Variants in LRRTM4 observed in about 807,000 individuals in gnomAD.
The protein encoded by LRRTM4 is leucine-rich repeat transmembrane neuronal protein 4.
A neutral mutation model predicts 47.6 loss-of-function variants in LRRTM4; 25 were observed. The ratio of observed to expected loss-of-function variants is 0.53; its 90% CI spans 0.38 to 0.73. LRRTM4 has a LOEUF of 0.73. Among genes scored for constraint, LRRTM4 ranks in the 30% least tolerant of loss-of-function variants. LRRTM4 has a pLI of 0.00. For missense variants in LRRTM4, 638 were observed against 713.4 expected (o/e 0.89, Z 1.20); for synonymous variants, 311 against 269.5 (o/e 1.15, Z -1.51).
chr2:77,306,285 C>G (rs1677269296), intron 3 of LRRTM4, among the ~76,000 whole-genome samples: 1 of 152,126 alleles, frequency 6.6e-6, no homozygotes, highest in Non-Finnish European at 1.5e-5. Context: ...CTTTTGCATA[C>G]TTTGGCATCT....
intron 3 of LRRTM4, among the ~76,000 whole-genome samples, chr2:76,957,014 T>C (rs951714140): frequency 1.3e-5 from 2 of 151,694 alleles, no homozygotes; most frequent in African/African-American, 2.4e-5. Context: ...TAGAAACAAA[T>C]TGTGTCCATC....
intron 3 of LRRTM4, among the ~76,000 whole-genome samples, chr2:77,429,059 T>G (rs969588653): frequency 6.6e-6 from 1 of 152,096 alleles, no homozygotes; most frequent in African/African-American, 2.4e-5. Flanking sequence ...ATAAATAACC[T>G]AAAAGTGGGA....
At chr2:77,062,687 A>C (rs761188935) in intron 3 of LRRTM4, among the ~76,000 whole-genome samples, 49 of 152,130 alleles carry the variant, frequency 3.2e-4, no homozygotes, top group South Asian at 2.3e-3. Flanking sequence ...CTCTGTCTCT[A>C]TCTCTTCCCA....
At chr2:77,248,940 C>T (rs1675525564) in intron 3 of LRRTM4, among the ~76,000 whole-genome samples, 1 of 151,978 alleles carries the variant, frequency 6.6e-6, no homozygotes, top group Non-Finnish European at 1.5e-5. Flanking sequence ...ATATAAAACT[C>T]TTAGAAAAAT....
chr2:77,326,805 G>A (rs72809167), intron 3 of LRRTM4, among the ~76,000 whole-genome samples: 2 of 152,168 alleles, frequency 1.3e-5, no homozygotes, highest in South Asian at 2.1e-4. Context: ...GAAAGACAAC[G>A]TGTTATATCC....
At chr2:77,427,071 TG>T (rs1347081258) in intron 3 of LRRTM4, among the ~76,000 whole-genome samples, 2 of 151,120 alleles carry the variant, frequency 1.3e-5, no homozygotes, top group Admixed American at 6.6e-5. Flanking sequence ...CTCCGCCTCC[TG>T]GGTTCAAGTG....
intron 3 of LRRTM4, among the ~76,000 whole-genome samples, chr2:76,984,590 T>C (rs1676729802): frequency 6.6e-6 from 1 of 151,944 alleles, no homozygotes; most frequent in Non-Finnish European, 1.5e-5. Context: ...TACCCTAAAC[T>C]GTGATATGGT....
At chr2:77,108,895 T>G (rs1016438812) in intron 3 of LRRTM4, among the ~76,000 whole-genome samples, 7 of 152,176 alleles carry the variant, frequency 4.6e-5, no homozygotes, top group Non-Finnish European at 1.0e-4. Flanking sequence ...GAATAAAAAC[T>G]TCTCCACTAA....
At chr2:76,835,037 A>C (rs1439297707) in intron 3 of LRRTM4, among the ~76,000 whole-genome samples, 2 of 152,292 alleles carry the variant, frequency 1.3e-5, no homozygotes, top group Non-Finnish European at 2.9e-5. Flanking sequence ...TAAGGAAGAC[A>C]TAAGACCAAT....
At chr2:76,840,658 C>T (rs1219366044) in intron 3 of LRRTM4, among the ~76,000 whole-genome samples, 1 of 152,078 alleles carries the variant, frequency 6.6e-6, no homozygotes. Flanking sequence ...ACTACATGTG[C>T]AATCATTTCT....
At chr2:76,979,939 C>T (rs1316848520) in intron 3 of LRRTM4, among the ~76,000 whole-genome samples, 1 of 151,984 alleles carries the variant, frequency 6.6e-6, no homozygotes, top group Non-Finnish European at 1.5e-5. Context: ...TTACCCCACA[C>T]TGCATCCAAA....
At position 77,452,064 on chromosome 2, in the gene LRRTM4, T is replaced by C. The variant is rs551312417; in HGVS notation, c.1551+66254A>G. ...GAGGAGGGAACATGTAGCTTCTCCT[T>C]ATAGACCACTGAGAGGAGTTCAGAT... On this transcript the variant is annotated intron_variant, in intron 3 of 3. Coordinates refer to ENST00000409884, the MANE Select transcript of LRRTM4 (RefSeq NM_001134745.3). 3.7e-4 allele frequency among the ~76,000 whole-genome samples: 57 copies of C among 152,050 alleles called. 1 individual carries two copies. The highest frequency in any genetic ancestry group is 1.4e-3 in the East Asian group (7 of 5,178).
At chr2:77,244,131 TG>T (rs2103996999) in intron 3 of LRRTM4, among the ~76,000 whole-genome samples, 1 of 138,992 alleles carries the variant, frequency 7.2e-6, no homozygotes, top group East Asian at 2.0e-4. Flanking sequence ...TAGTATTCCA[TG>T]GTGTAGATGT....
intron 3 of LRRTM4, among the ~76,000 whole-genome samples, chr2:77,206,295 C>T (rs1344026587): frequency 6.6e-6 from 1 of 151,404 alleles, no homozygotes; most frequent in Non-Finnish European, 1.5e-5. Flanking sequence ...TTTTGTGCCT[C>T]AGCCTCCTGA....
At position 77,519,625 on chromosome 2, in the gene LRRTM4, C is replaced by G; in HGVS notation, c.244G>C (p.Ala82Pro). 1 of 1,613,474 alleles carries G rather than the reference C, an allele frequency of 6.2e-7. No individual in the cohort carries two copies. Among genetic ancestry groups the G allele is most frequent in the Non-Finnish European group, 8.5e-7 (1 of 1,179,648 alleles). ...SIQKLKSNQFAGLNQLIWLYL... is the reference protein window; with the variant it reads ...SIQKLKSNQFPGLNQLIWLYL... ...AGCCATATAAGCTGGTTAAGGCCGG[C>G]AAACTGATTGGATTTGAGCTTCTGA... is the stretch of plus-strand genomic sequence containing the variant. The change falls in exon 3 of 4, where the codon GCC (alanine) becomes CCC (proline). Residue 82 changes from alanine (A) to proline (P), a missense_variant. Ala to Pro is a conservative substitution (Grantham distance 27). Transcript: ENST00000409884. The surrounding 1 kb of genome is among the most constrained non-coding windows in gnomAD (Gnocchi z 4.6).
chr2:77,008,796 C>G (rs139571764), intron 3 of LRRTM4, among the ~76,000 whole-genome samples: 1 of 152,134 alleles, frequency 6.6e-6, no homozygotes, highest in South Asian at 2.1e-4. Context: ...GAAGGCATGA[C>G]GAGGCGCCGG....
chr2:77,380,666 C>T (rs13425358), intron 3 of LRRTM4, among the ~76,000 whole-genome samples: 5,691 of 151,628 alleles, frequency 0.038, 140 homozygotes, highest in South Asian at 0.07. Flanking sequence ...CCTGGATGTG[C>T]GTGCCTGTAA....
chr2:77,063,069 C>A lies in LRRTM4; in HGVS notation c.1552-314153G>T, dbSNP rs549424307. Reference sequence around the variant, plus strand: ...TCCAGGGTTCAAGCCATGCTTCTGCCTCAGCCTCCTGAGAAGCTGGGACTA... The same window carrying A: ...TCCAGGGTTCAAGCCATGCTTCTGCATCAGCCTCCTGAGAAGCTGGGACTA... On this transcript the variant is annotated intron_variant, in intron 3 of 3. Transcript: ENST00000409884. Among the ~76,000 whole-genome samples, 5 of 151,650 alleles carry A rather than the reference C, an allele frequency of 3.3e-5. No homozygotes were observed. The South Asian group carries it at 1.0e-3, about 31-fold the overall frequency.
In LRRTM4 at chr2:77,480,822, G is replaced by GAGA. The variant is rs1222517611; in HGVS notation, c.1551+37495_1551+37496insTCT. ...TGTGTGTGTGTGTGTGTGTGTGTGT[G>GAGA]GAGAGAGAGAGAGAGAGAGAGAGAG... On this transcript the variant is annotated intron_variant, in intron 3 of 3. Transcript: ENST00000409884. Among the ~76,000 whole-genome samples the GAGA allele has an allele frequency of 1.9e-3, 140 of 74,506 alleles. 1 individual carries two copies. The highest frequency in any genetic ancestry group is 5.2e-3 in the East Asian group (11 of 2,126). 48.9% of individuals were successfully genotyped at this position (74,506 alleles called of 152,430 possible).
Sources: allele counts gnomAD v4.1 joint callset (sites outside exome capture counted in the v4.1 genomes callset), GRCh38; gene constraint gnomAD v4.1.1; non-coding constraint Gnocchi (gnomAD v3.1); transcripts MANE v1.5; gene names NCBI Gene and HGNC (gene_info 2026-07-23, HGNC 2026-07-21).